The following OFD1 variants were observed in gnomAD, a reference collection of about 807,000 sequenced individuals.
OFD1 encodes the protein OFD1 centriole and centriolar satellite protein, also known as centriole and centriolar satellite protein OFD1.
A neutral mutation model predicts 81.4 loss-of-function variants in OFD1; 12 were observed. The ratio of observed to expected loss-of-function variants is 0.15; its 90% CI spans 0.09 to 0.24. The LOEUF (loss-of-function observed/expected upper bound fraction) is 0.24, where lower values mean the gene tolerates loss of function less well. Ranked by LOEUF, OFD1 falls within the 10% of genes least tolerant of loss-of-function variation. The pLI is 1.00. For missense variants in OFD1, 685 were observed against 733.9 expected (o/e 0.93, Z 0.77); for synonymous variants, 256 against 263.7 (o/e 0.97, Z 0.28).
upstream of OFD1, among the ~76,000 whole-genome samples, chrX:13,729,769 G>A (rs374519388): frequency 1.4e-4 from 16 of 111,302 alleles, no homozygotes; most frequent in East Asian, 2.3e-3. Context: ...TTAGCCGGGC[G>A]TGGTGGCACA....
intron 8 of OFD1, among the ~76,000 whole-genome samples, chrX:13,747,818 A>C (rs2047353159): frequency 9.0e-6 from 1 of 111,718 alleles, no homozygotes. Flanking sequence ...CACAAGGGTC[A>C]TCCATGTGAC....
the OFD1 span, among the ~76,000 whole-genome samples, chrX:13,729,493 T>C: frequency 8.9e-6 from 1 of 112,328 alleles, no homozygotes; most frequent in Non-Finnish European, 1.9e-5. Flanking sequence ...AAACAAGAAA[T>C]GGGGAAAGGA....
At chrX:13,738,952 T>C in intron 4 of OFD1, 38 bp downstream of exon 4, 1 of 1,180,411 alleles carries the variant, frequency 8.5e-7, no homozygotes, top group Non-Finnish European at 1.2e-6. Flanking sequence ...CTTTGGTTTG[T>C]TAATTATAAC....
At chrX:13,749,587 T>A in intron 9 of OFD1, 54 bp downstream of exon 9, 1 of 738,617 alleles carries the variant, frequency 1.4e-6, no homozygotes, top group Non-Finnish European at 2.1e-6. Context: ...TAAAAAGAAT[T>A]ACTAAATATA....
intron 13 of OFD1, 54 bp downstream of exon 13, chrX:13,756,821 C>A: frequency 2.2e-6 from 2 of 915,587 alleles, no homozygotes; most frequent in South Asian, 2.0e-5. Context: ...CGCATTAGGT[C>A]AGTATTATAA....
In OFD1 at chrX:13,757,650, A is replaced by G; in HGVS notation, c.1412-10A>G. ...TGACTAGGATTTTTTTTTTTTTTTT[A>G]CCTTCTTAGGCCTAGCTCAGCCGGC... is the stretch of plus-strand genomic sequence containing the variant. On this transcript the variant is annotated splice_polypyrimidine_tract_variant and intron_variant, in intron 13 of 22. Coordinates refer to ENST00000340096, the MANE Select transcript of OFD1 (RefSeq NM_003611.3). 5.2e-6 allele frequency: 6 copies of G among 1,161,101 alleles called. No homozygotes were observed. Among genetic ancestry groups the G allele is most frequent in the Non-Finnish European group, 6.9e-6 (6 of 873,843 alleles).
the OFD1 span, chrX:13,715,842 G>C: frequency 1.0e-6 from 1 of 983,666 alleles, no homozygotes. Flanking sequence ...ACCTGGCTGT[G>C]AAGACTTACC....
upstream of OFD1, among the ~76,000 whole-genome samples, chrX:13,733,785 T>C (rs1474135947): frequency 9.1e-6 from 1 of 110,419 alleles, no homozygotes; most frequent in African/African-American, 3.3e-5. Context: ...TGCTCATTTT[T>C]CCCCTTCCTG....
At position 13,734,776 on chromosome X, in the gene OFD1, G is replaced by C. The variant is rs2285635; in HGVS notation, c.-296G>C. On this transcript the variant is annotated 5_prime_UTR_variant, in exon 1 of 23. Transcript: ENST00000340096. Reference sequence around the variant, plus strand: ...GGCTGTGAGGCGGTCCTGCCTCGCTGCCTTCAGTCCCTAGTGTCTGGGTCC... The same window carrying C: ...GGCTGTGAGGCGGTCCTGCCTCGCTCCCTTCAGTCCCTAGTGTCTGGGTCC... 3.7e-5 allele frequency: 39 copies of C among 1,056,350 alleles called. No homozygotes were observed. In the South Asian group the frequency reaches 1.1e-3, roughly 28 times the overall value. 87.1% of individuals were successfully genotyped at this position (1,056,350 alleles called of 1,213,427 possible). A position where few individuals can be genotyped will look rare whatever the true frequency, so the allele number is the denominator to read the frequency against.
the OFD1 span, among the ~76,000 whole-genome samples, chrX:13,728,227 G>A: frequency 8.9e-6 from 1 of 111,768 alleles, no homozygotes; most frequent in African/African-American, 3.3e-5. Context: ...AGAAAAAGAG[G>A]GAATCCTCCC....
At chrX:13,746,138 C>T (rs1228472985) in intron 6 of OFD1, among the ~76,000 whole-genome samples, 181 bp from the exon 7 acceptor site, 1 of 112,461 alleles carries the variant, frequency 8.9e-6, no homozygotes, top group Non-Finnish European at 1.9e-5. Flanking sequence ...GTTATACTTG[C>T]TTCATCATTT....
rs2046996064 is a variant in OFD1 at position 13,739,308 on chromosome X, A to C, written c.412+276A>C. The C allele has an allele frequency of 1.5e-5, 5 of 326,099 alleles. No homozygotes were observed. The South Asian group carries it at 2.0e-4, about 13-fold the overall frequency. 26.9% of individuals were successfully genotyped at this position (326,099 alleles called of 1,213,427 possible). ...GGGAATATTTCTGCAAAAAAAAAAA[A>C]AAAAAACTAATAACTTTTAGGCCAA... On this transcript the variant is annotated intron_variant, in intron 5 of 22. Coordinates refer to ENST00000340096, the MANE Select transcript of OFD1 (RefSeq NM_003611.3).
At chrX:13,762,223 C>T in intron 17 of OFD1, 121 bp from the exon 18 acceptor site, 1 of 523,672 alleles carries the variant, frequency 1.9e-6, no homozygotes, top group Non-Finnish European at 3.5e-6. Context: ...GAGCTATTTA[C>T]AAGACAAAGA....
the OFD1 span, among the ~76,000 whole-genome samples, chrX:13,725,145 T>C: frequency 0.011 from 1,222 of 113,029 alleles, 19 homozygotes; most frequent in South Asian, 0.045. Context: ...GCCTACTGCC[T>C]CTAGACTCCA....
intron 9 of OFD1, among the ~76,000 whole-genome samples, chrX:13,750,147 T>A (rs2047447881): frequency 8.9e-6 from 1 of 112,152 alleles, no homozygotes; most frequent in African/African-American, 3.2e-5. Context: ...TTTGGCTCCA[T>A]TAATGTTTTT....
chrX:13,755,467 CTG>C (rs763821666), intron 12 of OFD1, among the ~76,000 whole-genome samples: 2 of 111,617 alleles, frequency 1.8e-5, no homozygotes, highest in East Asian at 5.6e-4. Flanking sequence ...CACATCCTGT[CTG>C]TGTCTCTAAC....
At chrX:13,716,684 T>C in the OFD1 span, 15 of 1,209,568 alleles carry the variant, frequency 1.2e-5, no homozygotes, top group Admixed American at 2.2e-5. Flanking sequence ...TCGTCCTAGA[T>C]GACAGTGTGA....
rs1426930747 is a variant in OFD1, at chrX:13,761,208, T to C, written c.2384T>C (p.Val795Ala). Residue 795 changes from valine (V) to alanine (A), a missense_variant, in exon 17 of 23, where the codon GTG (valine) becomes GCG (alanine). Coordinates refer to ENST00000340096, the MANE Select transcript of OFD1 (RefSeq NM_003611.3). ...GTCTCCAGCCCTCCGGAGCAGAAAG[T>C]GGGGTAAGTATAACGTTCTGATTGA... ...PPVSSPPEQK[V>A]GLYRRQTELQ... 8.3e-7 allele frequency: 1 copy of C among 1,210,187 alleles called. No homozygotes were observed. Among genetic ancestry groups the C allele is most frequent in the Admixed American group, 2.2e-5 (1 of 45,929 alleles).
upstream of OFD1, among the ~76,000 whole-genome samples, chrX:13,733,646 AATTCTGTCCTCAC>A (rs1373039206): frequency 1.8e-5 from 2 of 112,157 alleles, no homozygotes; most frequent in African/African-American, 6.5e-5. Flanking sequence ...GCTGACATCC[AATTCTGTCCTCAC>A]AGGACTTAGA....
Sources: allele counts gnomAD v4.1 joint callset (sites outside exome capture counted in the v4.1 genomes callset), GRCh38; gene constraint gnomAD v4.1.1; transcripts MANE v1.5; gene names NCBI Gene and HGNC (gene_info 2026-07-23, HGNC 2026-07-21).